DCC: variants seen among roughly 807,000 people sequenced by gnomAD.
DCC encodes DCC netrin 1 receptor.
DCC carries 58 observed loss-of-function variants against 172.5 expected under a neutral mutation model. That is an observed-to-expected ratio of 0.34 (90% CI 0.27 to 0.42). DCC has a LOEUF of 0.42. Ranked by LOEUF, DCC falls within the 10% of genes least tolerant of loss-of-function variation. The pLI is 1.00. For missense variants in DCC, 1,740 were observed against 1,791.0 expected (o/e 0.97, Z 0.51); for synonymous variants, 709 against 644.5 (o/e 1.10, Z -1.52).
intron 5 of DCC, among the ~76,000 whole-genome samples, chr18:52,975,397 C>A (rs116340841): frequency 2.0e-5 from 3 of 151,968 alleles, no homozygotes; most frequent in East Asian, 3.9e-4. Flanking sequence ...GGTACTCGTG[C>A]GGGTTTGTTG....
At chr18:52,535,860 G>A (rs2032273456) in intron 1 of DCC, among the ~76,000 whole-genome samples, 1 of 152,100 alleles carries the variant, frequency 6.6e-6, no homozygotes, top group African/African-American at 2.4e-5. Flanking sequence ...TCTGTTATAA[G>A]AAAAGAGCCA....
chr18:52,488,854 C>T (rs1157361861), intron 1 of DCC, among the ~76,000 whole-genome samples: 2 of 152,040 alleles, frequency 1.3e-5, no homozygotes, highest in East Asian at 1.9e-4. Context: ...AGAATATCCA[C>T]CATAAATTTG....
intron 1 of DCC, among the ~76,000 whole-genome samples, chr18:52,624,582 G>A (rs2034538251): frequency 6.6e-6 from 1 of 152,178 alleles, no homozygotes; most frequent in Non-Finnish European, 1.5e-5. Flanking sequence ...AATCACATTT[G>A]TTGGTTTAGT....
chr18:52,471,818 C>T (rs1490787664), intron 1 of DCC, among the ~76,000 whole-genome samples: 1 of 152,174 alleles, frequency 6.6e-6, no homozygotes, highest in African/African-American at 2.4e-5. Flanking sequence ...TTTTGGAATA[C>T]TTTGTGTAAC....
At chr18:52,413,939 T>C (rs1160597228) in intron 1 of DCC, among the ~76,000 whole-genome samples, 2 of 152,162 alleles carry the variant, frequency 1.3e-5, no homozygotes, top group East Asian at 1.9e-4. Flanking sequence ...GAATGATTTG[T>C]CATTACGTAC....
chr18:52,389,166 G>A (rs574636803), intron 1 of DCC, among the ~76,000 whole-genome samples: 1 of 152,134 alleles, frequency 6.6e-6, no homozygotes, highest in East Asian at 1.9e-4. Context: ...CATTTTTGCA[G>A]TGGCTTATAA....
chr18:53,286,932 A>ATATTTCTC (rs2056942417), intron 12 of DCC, among the ~76,000 whole-genome samples: 1 of 152,200 alleles, frequency 6.6e-6, no homozygotes, highest in Non-Finnish European at 1.5e-5. Context: ...GAGAATTTGA[A>ATATTTCTC]ATTAAGTGAT....
chr18:53,109,838 T>G (rs2043304525), intron 7 of DCC, among the ~76,000 whole-genome samples: 1 of 151,722 alleles, frequency 6.6e-6, no homozygotes, highest in Admixed American at 6.6e-5. Flanking sequence ...TTCTGAGTTT[T>G]CTGGTCTACC....
intron 15 of DCC, among the ~76,000 whole-genome samples, chr18:53,359,387 T>C (rs2057919513): frequency 6.6e-6 from 1 of 152,188 alleles, no homozygotes; most frequent in Non-Finnish European, 1.5e-5. Context: ...ATCTTTCTTA[T>C]GCTTTTTTGT....
intron 7 of DCC, among the ~76,000 whole-genome samples, chr18:53,124,681 A>T (rs1432347480): frequency 6.6e-6 from 1 of 152,084 alleles, no homozygotes; most frequent in Non-Finnish European, 1.5e-5. Context: ...CCTTAGTAAC[A>T]TGATACTCTG....
At chr18:53,435,644 G>T (rs1911893023) in intron 22 of DCC, among the ~76,000 whole-genome samples, 1 of 152,140 alleles carries the variant, frequency 6.6e-6, no homozygotes, top group Non-Finnish European at 1.5e-5. Flanking sequence ...ATTTTTGCCT[G>T]CAGGGTACAT....
intron 1 of DCC, among the ~76,000 whole-genome samples, chr18:52,602,660 G>T (rs2034041422): frequency 6.6e-6 from 1 of 151,298 alleles, no homozygotes; most frequent in Non-Finnish European, 1.5e-5. Flanking sequence ...ATACTCAAAG[G>T]AATTACGGTG....
rs186628578 is a variant in DCC, at chr18:53,220,157, T to A, written c.1911+4560T>A. ...CAAGGAAAAAATGTGAGTTATGATA[T>A]TAAATTGCAGATCCTCTGTGTCTGG... On this transcript the variant is annotated intron_variant, in intron 12 of 28. Coordinates refer to ENST00000442544, the MANE Select transcript of DCC (RefSeq NM_005215.4). Among the ~76,000 whole-genome samples, 9 of 152,222 alleles carry A rather than the reference T, an allele frequency of 5.9e-5. No individual in the cohort carries two copies. The East Asian group carries it at 1.2e-3, about 20-fold the overall frequency.
At chr18:52,714,910 G>A (rs143610851) in intron 1 of DCC, among the ~76,000 whole-genome samples, 129 of 152,270 alleles carry the variant, frequency 8.5e-4, no homozygotes, top group African/African-American at 2.9e-3. Flanking sequence ...GTTTGCTGTA[G>A]AAGTTGGACA....
At chr18:52,668,882 C>A (rs545956925) in intron 1 of DCC, among the ~76,000 whole-genome samples, 1 of 152,326 alleles carries the variant, frequency 6.6e-6, no homozygotes, top group East Asian at 1.9e-4. Context: ...GACATGCATG[C>A]CTTGTGGTCA....
chr18:53,530,713 C>T lies in DCC; in HGVS notation c.*60C>T, dbSNP rs1442027078. ...GGAACTTTGCAGCATACCAATTACC[C>T]ATAAACAGCACACCTGTGTCCAAGA... On this transcript the variant is annotated 3_prime_UTR_variant, in exon 29 of 29. Coordinates refer to ENST00000442544, the MANE Select transcript of DCC (RefSeq NM_005215.4). The T allele has an allele frequency of 1.1e-6, 1 of 880,038 alleles. No homozygotes were observed. The highest frequency in any genetic ancestry group is 2.0e-6 in the Non-Finnish European group (1 of 509,550). The allele number at this position is 880,038 out of a possible 1,614,324, so 54.5% of individuals were successfully genotyped here.
At chr18:52,978,162 G>T (rs2041153612) in intron 5 of DCC, among the ~76,000 whole-genome samples, 1 of 151,980 alleles carries the variant, frequency 6.6e-6, no homozygotes, top group Non-Finnish European at 1.5e-5. Flanking sequence ...TTTTGCCATT[G>T]AAAAAGTATT....
chr18:52,699,940 T>C (rs754985109), intron 1 of DCC, among the ~76,000 whole-genome samples: 2 of 152,130 alleles, frequency 1.3e-5, no homozygotes, highest in African/African-American at 4.8e-5. Context: ...ATTCTGACCA[T>C]TAAAGTGTAG....
Position 52,511,693 on chromosome 18 carries a change from G to A in DCC, c.91+170815G>A, listed in dbSNP as rs527369650. Among the ~76,000 whole-genome samples, 17 of 152,206 alleles carry A rather than the reference G, an allele frequency of 1.1e-4. 1 individual carries two copies. The highest frequency in any genetic ancestry group is 1.9e-4 in the East Asian group (1 of 5,184). On this transcript the variant is annotated intron_variant, in intron 1 of 28. Coordinates refer to ENST00000442544, the MANE Select transcript of DCC (RefSeq NM_005215.4). ...AATAGCTCCAAGGCTGGGAATTCTC[G>A]CGTTAAAGTTCACCGACATTTTAAT...
Sources: allele counts gnomAD v4.1 joint callset (sites outside exome capture counted in the v4.1 genomes callset), GRCh38; gene constraint gnomAD v4.1.1; transcripts MANE v1.5; gene names NCBI Gene and HGNC (gene_info 2026-07-23, HGNC 2026-07-21).